PHACTR3: variants seen among roughly 807,000 people sequenced by gnomAD.
The protein encoded by PHACTR3 is phosphatase and actin regulator 3.
PHACTR3 carries 16 observed loss-of-function variants against 66.8 expected under a neutral mutation model. The ratio of observed to expected loss-of-function variants is 0.24; its 90% CI spans 0.16 to 0.36. The LOEUF (loss-of-function observed/expected upper bound fraction) is 0.36, where lower values mean the gene tolerates loss of function less well. Among genes scored for constraint, PHACTR3 ranks in the 10% least tolerant of loss-of-function variants. PHACTR3 has a pLI of 1.00. For synonymous variants in PHACTR3, 323 were observed against 292.1 expected, an observed-to-expected ratio of 1.11 and a Z score of -1.08; for missense variants, 647 against 719.9, an observed-to-expected ratio of 0.90 and a Z score of 1.16.
chr20:59,707,279 C>T (rs1359684256), intron 1 of PHACTR3, among the ~76,000 whole-genome samples: 1 of 152,106 alleles, frequency 6.6e-6, no homozygotes, highest in African/African-American at 2.4e-5. Context: ...CTTAGCAATC[C>T]TTACTTAGTG....
intron 8 of PHACTR3, among the ~76,000 whole-genome samples, chr20:59,817,755 T>A (rs1010048948): frequency 1.3e-5 from 2 of 152,228 alleles, no homozygotes; most frequent in East Asian, 1.9e-4. Flanking sequence ...ACCGAAGATT[T>A]GATTTTTTTG....
chr20:59,740,973 C>T (rs1021859957), intron 1 of PHACTR3, among the ~76,000 whole-genome samples: 23 of 152,336 alleles, frequency 1.5e-4, no homozygotes, highest in African/African-American at 5.5e-4. Flanking sequence ...GTGGGAAATG[C>T]GGGAGTGTGA....
intron 1 of PHACTR3, among the ~76,000 whole-genome samples, chr20:59,649,347 G>A (rs2035386348): frequency 6.6e-6 from 1 of 152,170 alleles, no homozygotes; most frequent in Admixed American, 6.5e-5. Flanking sequence ...TAAAGCATGT[G>A]TCTTAATTTA....
At chr20:59,827,246 A>G (rs1432512943) in intron 8 of PHACTR3, among the ~76,000 whole-genome samples, 3 of 151,956 alleles carry the variant, frequency 2.0e-5, no homozygotes, top group African/African-American at 4.8e-5. Flanking sequence ...GGTGCACGTG[A>G]TCTTGGTGCC....
At chr20:59,636,811 A>G (rs1377382501) in intron 1 of PHACTR3, among the ~76,000 whole-genome samples, 2 of 152,238 alleles carry the variant, frequency 1.3e-5, no homozygotes, top group Admixed American at 6.5e-5. Flanking sequence ...CAGAGCAAAG[A>G]TGATAAACAG....
At chr20:59,635,476 C>A (rs918388089) in intron 1 of PHACTR3, among the ~76,000 whole-genome samples, 2 of 151,828 alleles carry the variant, frequency 1.3e-5, no homozygotes, top group African/African-American at 4.8e-5. Context: ...TCAGGTGATC[C>A]ATCTGCCTCA....
At chr20:59,714,858 A>G (rs1255037274) in intron 1 of PHACTR3, among the ~76,000 whole-genome samples, 4 of 152,258 alleles carry the variant, frequency 2.6e-5, no homozygotes, top group Middle Eastern at 6.8e-3. Flanking sequence ...TTTTTTCTCA[A>G]TAATGTATTC....
intron 1 of PHACTR3, among the ~76,000 whole-genome samples, chr20:59,639,748 G>A (rs921826087): frequency 3.9e-5 from 6 of 152,198 alleles, no homozygotes; most frequent in Admixed American, 3.9e-4. Context: ...GGATGCACAT[G>A]AATGGAAGGC....
intron 4 of PHACTR3, 22 bp from the exon 5 acceptor site, chr20:59,767,164 C>T (rs2040206170): frequency 6.2e-7 from 1 of 1,613,446 alleles, no homozygotes; most frequent in Middle Eastern, 1.7e-4. Flanking sequence ...GTTTTTAACT[C>T]TCTGCTTTGC....
intron 1 of PHACTR3, among the ~76,000 whole-genome samples, chr20:59,667,336 C>T (rs547622946): frequency 3.4e-4 from 51 of 152,232 alleles, no homozygotes; most frequent in African/African-American, 1.2e-3. Flanking sequence ...AAGCAGCAGG[C>T]CCTGCCACCT....
At chr20:59,807,027 C>T (rs893893376) in intron 8 of PHACTR3, among the ~76,000 whole-genome samples, 10 of 152,222 alleles carry the variant, frequency 6.6e-5, no homozygotes, top group Admixed American at 3.9e-4. Context: ...GGGTGAGTCC[C>T]GAGTGAGCAG....
chr20:59,594,577 T>C (rs1042767892), intron 1 of PHACTR3, among the ~76,000 whole-genome samples: 6 of 152,192 alleles, frequency 3.9e-5, no homozygotes, highest in Admixed American at 3.9e-4. Flanking sequence ...GGACATAGAA[T>C]TGTTCAGAGT....
chr20:59,607,309 C>A (rs2033704060), intron 1 of PHACTR3, among the ~76,000 whole-genome samples: 1 of 152,134 alleles, frequency 6.6e-6, no homozygotes, highest in Non-Finnish European at 1.5e-5. Flanking sequence ...ATTGAAACAA[C>A]CTCAGTCACT....
At chr20:59,584,244 G>C (rs991672064) in intron 1 of PHACTR3, among the ~76,000 whole-genome samples, 5 of 152,038 alleles carry the variant, frequency 3.3e-5, no homozygotes, top group African/African-American at 1.2e-4. Flanking sequence ...GTGTGTGCCT[G>C]ATTGTGTGTG....
At chr20:59,696,555 A>G (rs535123589) in intron 1 of PHACTR3, among the ~76,000 whole-genome samples, 1 of 152,148 alleles carries the variant, frequency 6.6e-6, no homozygotes, top group Non-Finnish European at 1.5e-5. Context: ...TCTCGTTGGG[A>G]TGCTCTTCAC....
intron 7 of PHACTR3, among the ~76,000 whole-genome samples, chr20:59,803,696 T>C (rs1382643237): frequency 6.6e-6 from 1 of 152,234 alleles, no homozygotes; most frequent in Non-Finnish European, 1.5e-5. Context: ...AGATGCATCG[T>C]AATTTAACAG....
rs529799993 is a variant in PHACTR3 at position 59,625,143 on chromosome 20, G to A, written c.118+20011G>A. 1.6e-4 allele frequency among the ~76,000 whole-genome samples: 24 copies of A among 151,940 alleles called. No individual in the cohort carries two copies. In the South Asian group the frequency reaches 2.7e-3, roughly 17 times the overall value. ...CTTTTTAAATTCCTCTTCTGCTTGCGGGGCATCTTGAGTCATGGAAATAGA... is the reference window on the plus strand; with the variant it reads ...CTTTTTAAATTCCTCTTCTGCTTGCAGGGCATCTTGAGTCATGGAAATAGA... On this transcript the variant is annotated intron_variant, in intron 1 of 12. Coordinates refer to ENST00000371015, the MANE Select transcript of PHACTR3 (RefSeq NM_080672.5).
chr20:59,689,561 C>G (rs541479953), intron 1 of PHACTR3, among the ~76,000 whole-genome samples: 1 of 152,262 alleles, frequency 6.6e-6, no homozygotes, highest in African/African-American at 2.4e-5. Context: ...GGTTTGGATA[C>G]TAGGATGTTG....
intron 1 of PHACTR3, among the ~76,000 whole-genome samples, chr20:59,739,840 G>A (rs1423673139): frequency 2.6e-5 from 4 of 152,038 alleles, no homozygotes; most frequent in African/African-American, 7.2e-5. Context: ...ATCCTTCTGT[G>A]TTCTGCTTTG....
Sources: gnomAD v4.1 joint callset for allele counts (sites outside exome capture counted in the v4.1 genomes callset) on GRCh38, gnomAD v4.1.1 for gene constraint, MANE v1.5 for transcripts, NCBI Gene and HGNC (gene_info 2026-07-23, HGNC 2026-07-21) for gene names.